Variants in SNX29 observed in about 807,000 individuals in gnomAD.
SNX29 encodes the protein sorting nexin-29.
In SNX29, 78 loss-of-function variants were observed where a neutral mutation model predicts 102.1. The observed-to-expected ratio is 0.76, with a 90% CI of 0.64 to 0.92. The LOEUF is 0.92. Ranked by LOEUF, SNX29 falls within the 40% of genes least tolerant of loss-of-function variation. SNX29 has a pLI of 0.00. For missense variants in SNX29, 1,280 were observed against 1,061.7 expected, an observed-to-expected ratio of 1.21 and a Z score of -2.86; for synonymous variants, 580 against 414.5, an observed-to-expected ratio of 1.40 and a Z score of -4.85.
chr16:12,556,167 A>G (rs1344138713), intron 20 of SNX29, among the ~76,000 whole-genome samples: 1 of 152,138 alleles, frequency 6.6e-6, no homozygotes, highest in Admixed American at 6.6e-5. Context: ...CTTTGTCGCC[A>G]TGACACATCC....
At chr16:12,134,942 G>A (rs1028537155) in intron 13 of SNX29, among the ~76,000 whole-genome samples, 2 of 152,244 alleles carry the variant, frequency 1.3e-5, no homozygotes, top group Middle Eastern at 3.4e-3. Flanking sequence ...CTGCAGGCTG[G>A]AGAGCCAGAA....
chr16:12,523,773 G>A (rs1385131822), intron 19 of SNX29, among the ~76,000 whole-genome samples: 1 of 152,218 alleles, frequency 6.6e-6, no homozygotes, highest in South Asian at 2.1e-4. Context: ...CCTGATCACT[G>A]AGTGGTGGAA....
At chr16:12,051,714 A>T in intron 7 of SNX29, 133 bp from the exon 8 acceptor site, 1 of 1,307,306 alleles carries the variant, frequency 7.6e-7, no homozygotes, top group South Asian at 1.6e-5. Context: ...GGATTTTAAA[A>T]AGTCTGAATT....
At chr16:12,510,721 C>G (rs188502100) in intron 19 of SNX29, among the ~76,000 whole-genome samples, 1 of 151,966 alleles carries the variant, frequency 6.6e-6, no homozygotes, top group Non-Finnish European at 1.5e-5. Context: ...CTTTTTCCTC[C>G]TCTCCTCCCC....
intron 13 of SNX29, among the ~76,000 whole-genome samples, chr16:12,162,374 A>C (rs1265917550): frequency 6.6e-6 from 1 of 152,062 alleles, no homozygotes; most frequent in Admixed American, 6.5e-5. Context: ...GGGCATCCAC[A>C]CCCTCCTAAG....
intron 13 of SNX29, among the ~76,000 whole-genome samples, chr16:12,154,496 C>A (rs1367241285): frequency 1.3e-5 from 2 of 152,170 alleles, no homozygotes; most frequent in Non-Finnish European, 2.9e-5. Context: ...TGATTAGGGT[C>A]TGTCGCCCCT....
intron 16 of SNX29, among the ~76,000 whole-genome samples, chr16:12,383,393 C>T (rs146931882): frequency 3.9e-5 from 6 of 152,174 alleles, no homozygotes; most frequent in East Asian, 3.9e-4. Flanking sequence ...CGGTGACCAC[C>T]GAATTAACAC....
At chr16:12,086,929 T>C (rs1399607829) in intron 11 of SNX29, 1 of 152,104 alleles carries the variant, frequency 6.6e-6, no homozygotes, top group Non-Finnish European at 1.5e-5. Context: ...CTGACACAGA[T>C]GCAGAGCAGT....
At chr16:12,510,508 A>C (rs1035122514) in intron 19 of SNX29, among the ~76,000 whole-genome samples, 2 of 152,050 alleles carry the variant, frequency 1.3e-5, no homozygotes, top group Non-Finnish European at 2.9e-5. Context: ...CCCTGTCTCT[A>C]CTAAAAAGAC....
At chr16:12,470,133 T>C (rs1283691663) in intron 18 of SNX29, among the ~76,000 whole-genome samples, 1 of 152,242 alleles carries the variant, frequency 6.6e-6, no homozygotes, top group Non-Finnish European at 1.5e-5. Flanking sequence ...TCCAAGAAAG[T>C]TCCAGCTAAT....
At chr16:12,547,690 G>A (rs187964131) in intron 20 of SNX29, among the ~76,000 whole-genome samples, 34 of 152,062 alleles carry the variant, frequency 2.2e-4, no homozygotes, top group Admixed American at 7.9e-4. Context: ...CCTGGCCCCC[G>A]CGTTCCTGTC....
At chr16:12,398,542 C>T (rs1316879573) in intron 17 of SNX29, 41 bp downstream of exon 17, 1 of 1,609,666 alleles carries the variant, frequency 6.2e-7, no homozygotes, top group Admixed American at 1.7e-5. Flanking sequence ...CCTTTAGAAA[C>T]TGGACTCTGT....
intron 4 of SNX29, among the ~76,000 whole-genome samples, chr16:12,037,706 C>A (rs2057515607): frequency 6.6e-6 from 1 of 151,506 alleles, no homozygotes; most frequent in African/African-American, 2.4e-5. Context: ...AATCCCAGTG[C>A]TTTGGGAGGC....
At position 12,003,029 on chromosome 16, in the gene SNX29, G is replaced by T; in HGVS notation, c.108G>T (p.Ser36=). The T allele has an allele frequency of 6.2e-7, 1 of 1,614,146 alleles. No homozygotes were observed. Among genetic ancestry groups the T allele is most frequent in the Non-Finnish European group, 8.5e-7 (1 of 1,180,034 alleles). ...IRFGGRKEIA[S]DSDSRVTCLC... is the part of the protein sequence containing the mutation. ...TTGGAGGGAGAAAGGAGATTGCCTC[G>T]GATTCCGACAGCAGGTAAATATGTC... Residue 36 remains serine (S), a synonymous_variant, in exon 3 of 21, where the codon TCG becomes TCT. Transcript: ENST00000566228.
intron 18 of SNX29, 66 bp downstream of exon 18, chr16:12,403,595 G>T (rs2084047860): frequency 6.8e-7 from 1 of 1,473,870 alleles, no homozygotes; most frequent in South Asian, 1.2e-5. Context: ...TCATGCTGTG[G>T]TGCTTTTTGC....
At chr16:12,547,410 G>T (rs2006159) in intron 20 of SNX29, among the ~76,000 whole-genome samples, 1 of 152,110 alleles carries the variant, frequency 6.6e-6, no homozygotes, top group South Asian at 2.1e-4. Context: ...CAGGTAGTTA[G>T]GGGACCATGT....
rs548811520 is a variant in SNX29 at position 12,574,134 on chromosome 16, A to T, written c.*5505A>T. ...CCTCTTATGTTAAGGTTTACATAAT[A>T]GGATTTTTAAACAAATGTGTTTAAT... On this transcript the variant is annotated 3_prime_UTR_variant, in exon 21 of 21. Transcript: ENST00000566228. 3 of 183,508 alleles carry T rather than the reference A, an allele frequency of 1.6e-5. No homozygotes were observed. In the South Asian group the frequency reaches 5.9e-4, roughly 36 times the overall value. The allele number at this position is 183,508 out of a possible 1,614,324, so 11.4% of individuals were successfully genotyped here. A position where few individuals can be genotyped will look rare whatever the true frequency, so the allele number is the denominator to read the frequency against.
At chr16:12,566,192 T>G (rs1298505735) in intron 20 of SNX29, among the ~76,000 whole-genome samples, 1 of 152,174 alleles carries the variant, frequency 6.6e-6, no homozygotes, top group Admixed American at 6.5e-5. Flanking sequence ...CTTGAATCCT[T>G]ACCACCACAG....
intron 15 of SNX29, among the ~76,000 whole-genome samples, chr16:12,320,502 A>G (rs1490471677): frequency 6.6e-6 from 1 of 152,208 alleles, no homozygotes; most frequent in Admixed American, 6.5e-5. Context: ...AGAGGCTGGG[A>G]ACCGTGACAC....
Sources: allele counts gnomAD v4.1 joint callset (sites outside exome capture counted in the v4.1 genomes callset), GRCh38; gene constraint gnomAD v4.1.1; transcripts MANE v1.5; gene names NCBI Gene and HGNC (gene_info 2026-07-23, HGNC 2026-07-21).